The following LRRC7 variants were observed in gnomAD, a reference collection of about 807,000 sequenced individuals.
The protein encoded by LRRC7 is leucine rich repeat containing 7.
In LRRC7, 23 loss-of-function variants were observed where a neutral mutation model predicts 175.7. That is an observed-to-expected ratio of 0.13 (90% CI 0.09 to 0.19). LRRC7 has a LOEUF of 0.19. Ranked by LOEUF, LRRC7 falls within the 10% of genes least tolerant of loss-of-function variation. The pLI is 1.00. For missense variants in LRRC7, 1,354 were observed against 1,904.7 expected, an observed-to-expected ratio of 0.71 and a Z score of 5.38; for synonymous variants, 685 against 680.9, an observed-to-expected ratio of 1.01 and a Z score of -0.09.
chr1:69,598,107 C>T (rs772954742), intron 1 of LRRC7, among the ~76,000 whole-genome samples: 6 of 152,256 alleles, frequency 3.9e-5, no homozygotes, highest in South Asian at 2.1e-4. Flanking sequence ...TGTCTGCTAA[C>T]GCATATCTGG....
chr1:69,775,039 A>G (rs1241820660), intron 3 of LRRC7, among the ~76,000 whole-genome samples: 13 of 152,178 alleles, frequency 8.5e-5, no homozygotes, highest in Non-Finnish European at 1.9e-4. Flanking sequence ...AAAGAGAAAA[A>G]TAGAATTGAG....
intron 1 of LRRC7, among the ~76,000 whole-genome samples, chr1:69,620,646 G>A (rs1650417090): frequency 1.3e-5 from 2 of 152,172 alleles, no homozygotes; most frequent in Non-Finnish European, 2.9e-5. Flanking sequence ...TCTCTGACAT[G>A]GCACTGAAAG....
In LRRC7 at chr1:70,014,997, T is replaced by C. The variant is rs544482119; in HGVS notation, c.1251-1468T>C. Among the ~76,000 whole-genome samples the C allele has an allele frequency of 7.2e-5, 11 of 152,186 alleles. No individual in the cohort carries two copies. The South Asian group carries it at 1.4e-3, about 20-fold the overall frequency. On this transcript the variant is annotated intron_variant, in intron 13 of 26. Transcript: ENST00000651989. ...CTCATGTAATTTCAGTGCAGCAGAA[T>C]TGACATTCTGCTTTTAATATACCCC...
At chr1:69,952,873 G>C (rs975181248) in intron 8 of LRRC7, among the ~76,000 whole-genome samples, 7 of 151,450 alleles carry the variant, frequency 4.6e-5, no homozygotes, top group Non-Finnish European at 1.0e-4. Flanking sequence ...CCATTAATCA[G>C]TCAACAGAAA....
chr1:69,912,242 G>A (rs534111738), intron 7 of LRRC7, among the ~76,000 whole-genome samples: 5 of 152,098 alleles, frequency 3.3e-5, no homozygotes, highest in Non-Finnish European at 7.4e-5. Context: ...AGAAAACAAT[G>A]AGCCTGACAC....
chr1:69,857,974 G>A (rs1683894097), intron 7 of LRRC7, among the ~76,000 whole-genome samples: 2 of 152,130 alleles, frequency 1.3e-5, no homozygotes, highest in African/African-American at 2.4e-5. Flanking sequence ...ACAACCATCT[G>A]ATCTTTGACA....
At chr1:70,048,344 T>C (rs1259073545) in intron 22 of LRRC7, among the ~76,000 whole-genome samples, 1 of 152,080 alleles carries the variant, frequency 6.6e-6, no homozygotes, top group Non-Finnish European at 1.5e-5. Context: ...TTATCTCCAT[T>C]GTATAGATGA....
rs564816132 is a variant in LRRC7 at position 69,736,162 on chromosome 1, A to G, written c.101-24029A>G. Among the ~76,000 whole-genome samples, 9 of 152,192 alleles carry G rather than the reference A, an allele frequency of 5.9e-5. No homozygotes were observed. In the South Asian group the frequency reaches 1.4e-3, roughly 25 times the overall value. On this transcript the variant is annotated intron_variant, in intron 2 of 26. Transcript: ENST00000651989. ...CACAATTTCCCTTTCCAAAAATAAC[A>G]TTTGAAATTTAGGAGATTAAACACT...
At chr1:69,702,034 G>A (rs574888693) in intron 2 of LRRC7, among the ~76,000 whole-genome samples, 25 of 152,170 alleles carry the variant, frequency 1.6e-4, no homozygotes, top group East Asian at 5.8e-4. Context: ...AACAATATCC[G>A]AAAACAAGGC....
chr1:69,964,795 C>G (rs1028206472), intron 8 of LRRC7, among the ~76,000 whole-genome samples: 3 of 152,202 alleles, frequency 2.0e-5, no homozygotes, highest in Non-Finnish European at 4.4e-5. Flanking sequence ...CTTAAAACAA[C>G]TCTCAGATAT....
chr1:69,995,289 C>T (rs749171512), intron 11 of LRRC7, among the ~76,000 whole-genome samples: 4 of 151,900 alleles, frequency 2.6e-5, no homozygotes, highest in South Asian at 4.1e-4. Flanking sequence ...GTTTACAATC[C>T]GTGTAAAGTG....
intron 3 of LRRC7, among the ~76,000 whole-genome samples, chr1:69,791,310 T>G (rs7516361): frequency 0.53 from 79,841 of 151,736 alleles, 21,597 homozygotes; most frequent in African/African-American, 0.66. Context: ...AATGCAGATT[T>G]TTGACCCCCT....
At chr1:70,004,791 C>T (rs78917880) in intron 11 of LRRC7, among the ~76,000 whole-genome samples, 2,307 of 151,976 alleles carry the variant, frequency 0.015, 59 homozygotes, top group African/African-American at 0.053. Flanking sequence ...CTCCCTGCCT[C>T]TACCACCCTG....
At chr1:69,730,972 A>C (rs1309248457) in intron 2 of LRRC7, among the ~76,000 whole-genome samples, 1 of 152,142 alleles carries the variant, frequency 6.6e-6, no homozygotes, top group Non-Finnish European at 1.5e-5. Flanking sequence ...GGCAGCAAGC[A>C]GTGCCGAGAA....
In LRRC7 at chr1:70,023,195, G is replaced by A. The variant is rs1201875440; in HGVS notation, c.1615G>A (p.Gly539Ser). ...GITLQPARLS[G>S]DCCTPWARCD... ...TACTCTCCAACCTGCCAGACTGTCT[G>A]GCGATTGCTGCACACCATGGGCCAG... is the stretch of plus-strand genomic sequence containing the variant. Residue 539 changes from glycine to serine, a missense_variant, in exon 17 of 27, where the codon GGC becomes AGC. Physicochemically the swap from Gly to Ser is moderately conservative, Grantham distance 56. Coordinates refer to ENST00000651989, the MANE Select transcript of LRRC7 (RefSeq NM_001370785.2). The A allele has an allele frequency of 1.9e-6, 3 of 1,589,944 alleles. No homozygotes were observed. The highest frequency in any genetic ancestry group is 1.7e-5 in the Admixed American group (1 of 58,628).
chr1:69,802,469 A>G (rs1326647597), intron 4 of LRRC7, among the ~76,000 whole-genome samples: 5 of 149,066 alleles, frequency 3.4e-5, no homozygotes, highest in African/African-American at 1.2e-4. Context: ...ATATAATGAC[A>G]TGTTTCTCTT....
At chr1:70,096,781 G>A (rs1316743890) in intron 25 of LRRC7, among the ~76,000 whole-genome samples, 3 of 152,154 alleles carry the variant, frequency 2.0e-5, no homozygotes, top group Non-Finnish European at 2.9e-5. Context: ...TTCAGCTGGG[G>A]TGGTGGCATT....
At chr1:69,809,497 C>T (rs1455611560) in intron 4 of LRRC7, among the ~76,000 whole-genome samples, 1 of 152,038 alleles carries the variant, frequency 6.6e-6, no homozygotes, top group Non-Finnish European at 1.5e-5. Flanking sequence ...GGCCAATATC[C>T]CTGGTGAACA....
intron 9 of LRRC7, among the ~76,000 whole-genome samples, chr1:69,984,742 A>G (rs933820088): frequency 2.0e-5 from 3 of 152,120 alleles, no homozygotes; most frequent in Admixed American, 2.0e-4. Context: ...ATATCCCTCT[A>G]ACAGATCTCC....
Sources: gnomAD v4.1 joint callset for allele counts (sites outside exome capture counted in the v4.1 genomes callset) on GRCh38, gnomAD v4.1.1 for gene constraint, MANE v1.5 for transcripts, NCBI Gene and HGNC (gene_info 2026-07-23, HGNC 2026-07-21) for gene names.